Variants in ADGRD2 observed in about 807,000 individuals in gnomAD.
ADGRD2 encodes G protein-coupled receptor PGR24.
In ADGRD2, 71 loss-of-function variants were observed where a neutral mutation model predicts 44.4. The observed-to-expected ratio is 1.60, with a 90% CI of 1.32 to 1.95. The LOEUF is 1.95. Among genes scored for constraint, ADGRD2 ranks in the 30% most tolerant of loss-of-function variants. The probability of loss-of-function intolerance (pLI) is 0.00; values close to 1 mark genes in which losing one functional copy is unlikely to be tolerated. For synonymous variants in ADGRD2, 481 were observed against 224.8 expected, an observed-to-expected ratio of 2.14 and a Z score of -10.19; for missense variants, 1,039 against 512.4, an observed-to-expected ratio of 2.03 and a Z score of -9.92.
intron 19 of ADGRD2, 172 bp downstream of exon 22, chr9:124,475,787 C>T (rs897666827): frequency 1.9e-6 from 1 of 540,010 alleles, no homozygotes; most frequent in African/African-American, 2.0e-5. Context: ...TTGGCTCCAC[C>T]CCGGAGACAC....
chr9:124,450,769 G>C (rs1831452152), upstream of ADGRD2, among the ~76,000 whole-genome samples: 1 of 152,256 alleles, frequency 6.6e-6, no homozygotes, highest in South Asian at 2.1e-4. Context: ...TCCGGTGAGG[G>C]GCGTGTTGGA....
intron 10 of ADGRD2, among the ~76,000 whole-genome samples, chr9:124,459,637 G>C (rs1831690607): frequency 6.6e-6 from 1 of 152,002 alleles, no homozygotes; most frequent in African/African-American, 2.4e-5. Flanking sequence ...TTTATTTTGG[G>C]GGTCATAAAC....
intron 10 of ADGRD2, among the ~76,000 whole-genome samples, chr9:124,460,388 A>AT (rs1554718954): frequency 0.025 from 3,662 of 145,182 alleles, 156 homozygotes; most frequent in African/African-American, 0.089. Flanking sequence ...ATATATATAT[A>AT]TTTTTTTTTA....
intron 17 of ADGRD2, among the ~76,000 whole-genome samples, chr9:124,472,996 C>T (rs1339168887): frequency 1.3e-5 from 2 of 152,224 alleles, no homozygotes; most frequent in Non-Finnish European, 2.9e-5. Flanking sequence ...TCACATGACC[C>T]TCTTAGGCTC....
chr9:124,469,939 G>C (rs1037636971), intron 16 of ADGRD2, among the ~76,000 whole-genome samples: 1 of 152,208 alleles, frequency 6.6e-6, no homozygotes, highest in African/African-American at 2.4e-5. Flanking sequence ...AGAAGTTCAG[G>C]TTCAGGGTAA....
At chr9:124,453,853 C>G (rs528123132) in intron 3 of ADGRD2, 146 bp from the exon 7 acceptor site, 14 of 597,450 alleles carry the variant, frequency 2.3e-5, no homozygotes, top group South Asian at 2.2e-4. Flanking sequence ...GGGGTCTGCG[C>G]TCGTCCCCCG....
chr9:124,471,007 G>A (rs553987870), intron 17 of ADGRD2, among the ~76,000 whole-genome samples: 17 of 152,358 alleles, frequency 1.1e-4, no homozygotes, highest in African/African-American at 2.9e-4. Flanking sequence ...TGGGGTCTGC[G>A]GCCTGCTGGG....
At chr9:124,476,868 G>A (rs745917956) in intron 21 of ADGRD2, 159 bp downstream of exon 24, 19 of 696,304 alleles carry the variant, frequency 2.7e-5, no homozygotes, top group Middle Eastern at 2.3e-4. Flanking sequence ...GGGAGCACTG[G>A]GGGCCTGGCG....
At chr9:124,476,365 G>A (rs1203456614) in exon 20 of ADGRD2, 2 of 700,454 alleles carry the variant, frequency 2.9e-6, no homozygotes, top group African/African-American at 3.5e-5. Flanking sequence ...AGGGACCTAT[G>A]GCCCTAGAAC....
intron 17 of ADGRD2, among the ~76,000 whole-genome samples, chr9:124,472,787 C>T (rs1387913000): frequency 6.6e-6 from 1 of 152,246 alleles, no homozygotes; most frequent in Non-Finnish European, 1.5e-5. Flanking sequence ...GGATTACAGG[C>T]ATGAGCCACC....
intron 6 of ADGRD2, 70 bp from the exon 10 acceptor site, chr9:124,456,552 C>T: frequency 1.4e-6 from 1 of 707,698 alleles, no homozygotes; most frequent in Admixed American, 2.0e-5. Flanking sequence ...GAGCATTTAT[C>T]CCAGCGCTCA....
intron 6 of ADGRD2, 139 bp downstream of exon 9, chr9:124,455,266 T>C (rs1831593067): frequency 1.7e-6 from 1 of 572,100 alleles, no homozygotes; most frequent in African/African-American, 1.9e-5. Context: ...GCTTCTCTTT[T>C]GTCTATTTGA....
At chr9:124,476,239 G>A (rs553645382) in intron 19 of ADGRD2, 118 bp from the exon 23 acceptor site, 7 of 593,922 alleles carry the variant, frequency 1.2e-5, no homozygotes, top group Admixed American at 1.1e-4. Context: ...AATCTGTGAG[G>A]TAAACCTTGG....
chr9:124,455,132 G>A lies in ADGRD2; in HGVS notation c.1393+5G>A. 1.4e-6 allele frequency: 1 copy of A among 691,146 alleles called. No homozygotes were observed. The highest frequency in any genetic ancestry group is 1.5e-5 in the South Asian group (1 of 65,002). 42.8% of individuals were successfully genotyped at this position (691,146 alleles called of 1,614,324 possible). On this transcript the variant is annotated splice_donor_5th_base_variant and intron_variant, in intron 6 of 21. Transcript: ENST00000334810. ...ACATGGCTCTCCCTCCGTGAAGTGAGGCTGGCAGGGCTGGGTGGGGCAGGG... is the reference window on the plus strand; with the variant it reads ...ACATGGCTCTCCCTCCGTGAAGTGAAGCTGGCAGGGCTGGGTGGGGCAGGG...
upstream of ADGRD2, chr9:124,451,394 CT>C: frequency 2.7e-6 from 1 of 371,904 alleles, no homozygotes; most frequent in Admixed American, 3.3e-5. Context: ...TGTTTCCCTG[CT>C]TCGGTCCTGA....
intron 17 of ADGRD2, among the ~76,000 whole-genome samples, chr9:124,474,186 A>G (rs1015383800): frequency 6.6e-6 from 1 of 151,326 alleles, no homozygotes; most frequent in African/African-American, 2.4e-5. Context: ...GAGGAAGGAG[A>G]ATCGCTTGAA....
chr9:124,466,464 G>A (rs1831827542), intron 11 of ADGRD2, 51 bp downstream of exon 14: 8 of 631,876 alleles, frequency 1.3e-5, no homozygotes, highest in Non-Finnish European at 2.1e-5. Context: ...TTAGCTGGAG[G>A]TGAAGAGAAG....
chr9:124,476,618 C>T (rs1288264386), intron 20 of ADGRD2, 61 bp from the exon 24 acceptor site: 1 of 673,890 alleles, frequency 1.5e-6, no homozygotes, highest in Non-Finnish European at 2.7e-6. Flanking sequence ...CCAAGGGTCC[C>T]CAGGGCAAGG....
intron 13 of ADGRD2, 114 bp from the exon 17 acceptor site, chr9:124,468,405 C>G: frequency 1.4e-6 from 1 of 700,130 alleles, no homozygotes; most frequent in Non-Finnish European, 2.6e-6. Context: ...ACCCAGAGGC[C>G]TCACCCACTG....
Sources: allele counts gnomAD v4.1 joint callset (sites outside exome capture counted in the v4.1 genomes callset), GRCh38; gene constraint gnomAD v4.1.1; transcripts MANE v1.5; gene names NCBI Gene and HGNC (gene_info 2026-07-23, HGNC 2026-07-21).